RUNDC3B: variants seen among roughly 807,000 people sequenced by gnomAD.
RUNDC3B encodes RUN domain containing 3B, also known as RUN domain-containing protein 3B.
Under a neutral mutation model 58.4 loss-of-function variants are expected in RUNDC3B, and 33 were observed. The ratio of observed to expected loss-of-function variants is 0.56; its 90% CI spans 0.43 to 0.75. The LOEUF (loss-of-function observed/expected upper bound fraction) is 0.75. Ranked by LOEUF, RUNDC3B falls within the 30% of genes least tolerant of loss-of-function variation. The pLI, the probability that RUNDC3B is intolerant of heterozygous loss-of-function variation, is 0.00. For missense variants in RUNDC3B, 501 were observed against 535.7 expected, an observed-to-expected ratio of 0.94 and a Z score of 0.64; for synonymous variants, 193 against 195.2, an observed-to-expected ratio of 0.99 and a Z score of 0.10.
chr7:87,635,205 G>C (rs561670860), intron 1 of RUNDC3B, among the ~76,000 whole-genome samples: 5 of 152,292 alleles, frequency 3.3e-5, no homozygotes, highest in Non-Finnish European at 5.9e-5. Context: ...GCATCAGAGA[G>C]AATTGGGTAT....
At chr7:87,769,947 C>T (rs1163192370) in intron 6 of RUNDC3B, among the ~76,000 whole-genome samples, 1 of 151,898 alleles carries the variant, frequency 6.6e-6, no homozygotes, top group African/African-American at 2.4e-5. Context: ...TTTTTTTCAC[C>T]TTATGCTCTG....
At chr7:87,827,881 A>G (rs1837909351) in intron 10 of RUNDC3B, among the ~76,000 whole-genome samples, 2 of 152,168 alleles carry the variant, frequency 1.3e-5, no homozygotes, top group African/African-American at 4.8e-5. Flanking sequence ...AAGAAAACAT[A>G]AGCTGGGTGC....
chr7:87,685,172 T>A (rs909982336), intron 2 of RUNDC3B, among the ~76,000 whole-genome samples: 1 of 152,126 alleles, frequency 6.6e-6, no homozygotes, highest in Non-Finnish European at 1.5e-5. Flanking sequence ...GGAAAAAATA[T>A]TTGCAAATCA....
At chr7:87,827,008 T>C (rs541308082) in intron 10 of RUNDC3B, among the ~76,000 whole-genome samples, 1 of 152,100 alleles carries the variant, frequency 6.6e-6, no homozygotes, top group African/African-American at 2.4e-5. Context: ...CATAGCAAAT[T>C]TAACAAAGCA....
chr7:87,731,926 A>G (rs1297744550), intron 4 of RUNDC3B, among the ~76,000 whole-genome samples: 1 of 152,212 alleles, frequency 6.6e-6, no homozygotes, highest in Non-Finnish European at 1.5e-5. Context: ...GACCTAATAG[A>G]TGTTGCACAG....
chr7:87,657,964 C>T (rs1824283606), intron 2 of RUNDC3B, among the ~76,000 whole-genome samples: 2 of 152,090 alleles, frequency 1.3e-5, no homozygotes, highest in Non-Finnish European at 2.9e-5. Context: ...TAAATAAGAT[C>T]CAGAGTTTCA....
intron 4 of RUNDC3B, among the ~76,000 whole-genome samples, chr7:87,734,854 T>G (rs1291397464): frequency 2.0e-5 from 3 of 152,252 alleles, no homozygotes; most frequent in Admixed American, 6.5e-5. Context: ...TCTCTTCACC[T>G]TTAAGTTATA....
intron 2 of RUNDC3B, among the ~76,000 whole-genome samples, chr7:87,664,324 A>G (rs978322632): frequency 6.6e-6 from 1 of 152,080 alleles, no homozygotes. Context: ...GCAACACAGC[A>G]AGATACCATC....
chr7:87,704,606 G>A (rs745930951), intron 3 of RUNDC3B, among the ~76,000 whole-genome samples: 1 of 152,180 alleles, frequency 6.6e-6, no homozygotes, highest in Non-Finnish European at 1.5e-5. Context: ...ATGTTATCTA[G>A]CAGAGAGTTA....
chr7:87,832,250 G>A lies in RUNDC3B; in HGVS notation c.*2220G>A, dbSNP rs1256897782. 1 of 151,874 alleles carries A rather than the reference G, an allele frequency of 6.6e-6. No homozygotes were observed. The highest frequency in any genetic ancestry group is 1.9e-4 in the East Asian group (1 of 5,188). 9.4% of individuals were successfully genotyped at this position (151,874 alleles called of 1,614,324 possible). A position where few individuals can be genotyped will look rare whatever the true frequency, so the allele number is the denominator to read the frequency against. ...ATTTCCATGTGTATTCTGTTGCCTT[G>A]ATGCGTACTATACTTGTTGCATGTA... On this transcript the variant is annotated 3_prime_UTR_variant, in exon 11 of 11. Transcript: ENST00000394654.
chr7:87,777,234 A>T (rs1018959763), intron 7 of RUNDC3B, among the ~76,000 whole-genome samples: 1 of 152,168 alleles, frequency 6.6e-6, no homozygotes, highest in Non-Finnish European at 1.5e-5. Flanking sequence ...ATCTGTATTG[A>T]TTCATTTAAT....
intron 6 of RUNDC3B, among the ~76,000 whole-genome samples, chr7:87,758,401 A>G (rs1044667845): frequency 6.6e-6 from 1 of 152,036 alleles, no homozygotes; most frequent in African/African-American, 2.4e-5. Flanking sequence ...ACTGTGGATC[A>G]TTGATTGGCC....
intron 2 of RUNDC3B, among the ~76,000 whole-genome samples, chr7:87,671,610 T>G (rs984195920): frequency 6.6e-6 from 1 of 151,974 alleles, no homozygotes; most frequent in African/African-American, 2.4e-5. Flanking sequence ...GCTTTGTCCC[T>G]GGGAGGTACA....
At chr7:87,795,471 G>A (rs1835765750) in intron 8 of RUNDC3B, among the ~76,000 whole-genome samples, 1 of 152,158 alleles carries the variant, frequency 6.6e-6, no homozygotes, top group African/African-American at 2.4e-5. Context: ...CCAAAAGATA[G>A]GCAATAACAA....
At chr7:87,685,702 T>C (rs970750353) in intron 2 of RUNDC3B, among the ~76,000 whole-genome samples, 5 of 152,148 alleles carry the variant, frequency 3.3e-5, no homozygotes, top group African/African-American at 1.2e-4. Flanking sequence ...ACAAGCATCA[T>C]GATGAAGGAG....
In RUNDC3B at chr7:87,640,998, T is replaced by A. The variant is rs1822395068; in HGVS notation, c.123-9824T>A. 2.0e-5 allele frequency among the ~76,000 whole-genome samples: 3 copies of A among 152,328 alleles called. No individual in the cohort carries two copies. The South Asian group carries it at 6.2e-4, about 32-fold the overall frequency. On this transcript the variant is annotated intron_variant, in intron 1 of 10. Transcript: ENST00000394654. ...TTAAAGTTCTTATTAATTTAGAATT[T>A]TGAATTATCTTTATATCTACTTTTA...
chr7:87,654,937 GGT>G (rs1211947317), intron 2 of RUNDC3B, among the ~76,000 whole-genome samples: 1 of 151,946 alleles, frequency 6.6e-6, no homozygotes, highest in East Asian at 1.9e-4. Flanking sequence ...TATATAAAAA[GGT>G]GCTCAAAATC....
chr7:87,677,153 G>A (rs1826450588), intron 2 of RUNDC3B, among the ~76,000 whole-genome samples: 1 of 152,176 alleles, frequency 6.6e-6, no homozygotes, highest in Admixed American at 6.5e-5. Context: ...GATAAAATCA[G>A]TATTTGGAAG....
chr7:87,752,613 T>C (rs950082478), intron 6 of RUNDC3B, among the ~76,000 whole-genome samples: 1 of 152,220 alleles, frequency 6.6e-6, no homozygotes, highest in Non-Finnish European at 1.5e-5. Flanking sequence ...GGAGAGTGTA[T>C]GTGTTGAGGA....
Sources: gnomAD v4.1 joint callset for allele counts (sites outside exome capture counted in the v4.1 genomes callset) on GRCh38, gnomAD v4.1.1 for gene constraint, MANE v1.5 for transcripts, NCBI Gene and HGNC (gene_info 2026-07-23, HGNC 2026-07-21) for gene names.